Variants in C16orf78 observed in about 807,000 individuals in gnomAD.
C16orf78 encodes uncharacterized protein C16orf78.
A neutral mutation model predicts 27.3 loss-of-function variants in C16orf78; 19 were observed. The ratio of observed to expected loss-of-function variants is 0.70; its 90% CI spans 0.49 to 1.02. The LOEUF (loss-of-function observed/expected upper bound fraction) is 1.02, where lower values mean the gene tolerates loss of function less well. Ranked by LOEUF, C16orf78 falls within the 50% of genes least tolerant of loss-of-function variation. The pLI is 0.00. For missense variants in C16orf78, 339 were observed against 337.0 expected, an observed-to-expected ratio of 1.01 and a Z score of -0.05; for synonymous variants, 130 against 116.1, an observed-to-expected ratio of 1.12 and a Z score of -0.77.
At chr16:49,376,642 C>T (rs1320555035) in intron 1 of C16orf78, among the ~76,000 whole-genome samples, 1 of 152,198 alleles carries the variant, frequency 6.6e-6, no homozygotes, top group East Asian at 1.9e-4. Context: ...CTTCCATACT[C>T]CCAAATGGCT....
chr16:49,378,517 C>T lies in C16orf78; in HGVS notation c.318C>T (p.Leu106=). ...FRKDAASYRS[L]YGVEQKGKHL... is the part of the protein sequence containing the mutation. ...AGGACGCCGCCTCCTACCGAAGCCTCTATGGAGTGGAGCAAAAGGGGAAAC... is the reference window on the plus strand; with the variant it reads ...AGGACGCCGCCTCCTACCGAAGCCTTTATGGAGTGGAGCAAAAGGGGAAAC... Residue 106 remains leucine (L), a synonymous_variant, in exon 3 of 5, where the codon CTC becomes CTT. Transcript: ENST00000299191. 1.2e-6 allele frequency: 2 copies of T among 1,610,868 alleles called. No homozygotes were observed. Among genetic ancestry groups the T allele is most frequent in the Non-Finnish European group, 1.7e-6 (2 of 1,178,540 alleles).
chr16:49,396,039 T>C (rs1234406971), intron 3 of C16orf78, among the ~76,000 whole-genome samples: 1 of 152,032 alleles, frequency 6.6e-6, no homozygotes, highest in African/African-American at 2.4e-5. Context: ...GCCCAGGAGT[T>C]CAAGACCAGC....
At chr16:49,381,799 C>T (rs1399191245) in intron 3 of C16orf78, among the ~76,000 whole-genome samples, 5 of 152,002 alleles carry the variant, frequency 3.3e-5, no homozygotes, top group Non-Finnish European at 5.9e-5. Context: ...AATAGGAACA[C>T]TTTTACACTG....
At position 49,399,309 on chromosome 16, in the gene C16orf78, CTTCT is replaced by C. The variant is rs778628359; in HGVS notation, c.*32_*35del. 101 of 1,611,732 alleles carry C rather than the reference CTTCT, an allele frequency of 6.3e-5. 3 individuals are homozygous for C. In the South Asian group the frequency reaches 1.1e-3, roughly 17 times the overall value. On this transcript the variant is annotated 3_prime_UTR_variant, in exon 5 of 5. Transcript: ENST00000299191. ...TCCTCTCGCCACCACCTTCAGGCTCCTTCTGTCATGGGACCCTTCACCTCCAGAT... is the reference window on the plus strand; with the variant it reads ...TCCTCTCGCCACCACCTTCAGGCTCCGTCATGGGACCCTTCACCTCCAGAT...
At chr16:49,395,466 T>C (rs1965459947) in intron 3 of C16orf78, among the ~76,000 whole-genome samples, 1 of 152,154 alleles carries the variant, frequency 6.6e-6, no homozygotes, top group African/African-American at 2.4e-5. Context: ...TTTGCGATTT[T>C]TTTTTTCTCA....
At chr16:49,386,244 A>G (rs1965349559) in intron 3 of C16orf78, among the ~76,000 whole-genome samples, 2 of 152,232 alleles carry the variant, frequency 1.3e-5, no homozygotes, top group South Asian at 4.1e-4. Context: ...AAACAGCAAT[A>G]CAATAATAGT....
chr16:49,399,096 C>G, intron 4 of C16orf78, 35 bp from the exon 5 acceptor site: 1 of 1,608,202 alleles, frequency 6.2e-7, no homozygotes. Context: ...TGTGACTCCA[C>G]CTTCAACTGA....
Position 49,376,825 on chromosome 16 carries a change from A to T in C16orf78, c.151-906A>T, listed in dbSNP as rs559005789. Among the ~76,000 whole-genome samples the T allele has an allele frequency of 2.6e-5, 4 of 152,208 alleles. No individual in the cohort carries two copies. In the East Asian group the frequency reaches 7.7e-4, roughly 29 times the overall value. ...GAAACTAAGCCACAGAGAGAGCAGA[A>T]ACTTGCCGAGGTCACTCAGCCCTCA... is the stretch of plus-strand genomic sequence containing the variant. On this transcript the variant is annotated intron_variant, in intron 1 of 4. Transcript: ENST00000299191.
At chr16:49,386,461 A>G (rs1965352710) in intron 3 of C16orf78, among the ~76,000 whole-genome samples, 1 of 152,198 alleles carries the variant, frequency 6.6e-6, no homozygotes, top group Non-Finnish European at 1.5e-5. Flanking sequence ...TTTTTTTTTA[A>G]GTGCAGTGGT....
intron 1 of C16orf78, among the ~76,000 whole-genome samples, 197 bp from the exon 2 acceptor site, chr16:49,377,534 C>T (rs544521411): frequency 5.4e-4 from 82 of 152,146 alleles, no homozygotes; most frequent in African/African-American, 1.9e-3. Flanking sequence ...CTCAGAAAGT[C>T]GCTCTGGGGG....
chr16:49,378,693 C>A, intron 3 of C16orf78, 100 bp downstream of exon 3: 1 of 1,517,776 alleles, frequency 6.6e-7, no homozygotes, highest in South Asian at 1.2e-5. Flanking sequence ...GCAGTAGCGT[C>A]CACGTCAATC....
Position 49,375,586 on chromosome 16 carries a change from A to G in C16orf78, c.150+1497A>G, listed in dbSNP as rs534336837. On this transcript the variant is annotated intron_variant, in intron 1 of 4. Transcript: ENST00000299191. ...TGTTAAACCATGAGAAAGTGCCCCT[A>G]TGATCTAATCACCTCCCACCAGGCC... 5.3e-5 allele frequency among the ~76,000 whole-genome samples: 8 copies of G among 152,292 alleles called. No homozygotes were observed. In the South Asian group the frequency reaches 1.7e-3, roughly 32 times the overall value.
chr16:49,397,034 G>A (rs1965484214), intron 4 of C16orf78, among the ~76,000 whole-genome samples: 1 of 152,242 alleles, frequency 6.6e-6, no homozygotes, highest in Non-Finnish European at 1.5e-5. Flanking sequence ...CCTTTGCACT[G>A]TGGGGTTGAG....
chr16:49,384,019 A>G (rs142441782), intron 3 of C16orf78, among the ~76,000 whole-genome samples: 9 of 152,318 alleles, frequency 5.9e-5, no homozygotes, highest in African/African-American at 1.9e-4. Flanking sequence ...TATTTGGACA[A>G]AATGAATTCA....
intron 4 of C16orf78, among the ~76,000 whole-genome samples, chr16:49,397,596 A>G (rs1302737309): frequency 6.6e-6 from 1 of 152,164 alleles, no homozygotes; most frequent in Non-Finnish European, 1.5e-5. Flanking sequence ...CAGATGGGCC[A>G]TGTGGTTCTA....
At position 49,378,534 on chromosome 16, in the gene C16orf78, A is replaced by G. The variant is rs762276523; in HGVS notation, c.335A>G (p.Lys112Arg). The change falls in exon 3 of 5, where the codon AAG (lysine) becomes AGG (arginine). Residue 112 changes from lysine (K) to arginine (R), a missense_variant. Lys to Arg is a conservative substitution (Grantham distance 26). Transcript: ENST00000299191. ...CGAAGCCTCTATGGAGTGGAGCAAA[A>G]GGGGAAACACCTCAGCATGGTCCCT... ...SYRSLYGVEQKGKHLSMVPGS... is the reference protein window; with the variant it reads ...SYRSLYGVEQRGKHLSMVPGS... 1 of 1,612,992 alleles carries G rather than the reference A, an allele frequency of 6.2e-7. No homozygotes were observed. The highest frequency in any genetic ancestry group is 1.3e-5 in the African/African-American group (1 of 74,916).
chr16:49,377,624 T>C (rs1184205943), intron 1 of C16orf78, 107 bp from the exon 2 acceptor site: 1 of 1,383,108 alleles, frequency 7.2e-7, no homozygotes, highest in East Asian at 2.5e-5. Context: ...CTGAAGCCTG[T>C]GGAGGGGAGG....
chr16:49,386,117 C>A (rs764169108), intron 3 of C16orf78, among the ~76,000 whole-genome samples: 1 of 152,046 alleles, frequency 6.6e-6, no homozygotes, highest in Non-Finnish European at 1.5e-5. Context: ...AAAAAAGAAG[C>A]TTGTCATATA....
At chr16:49,376,932 A>T (rs555008722) in intron 1 of C16orf78, among the ~76,000 whole-genome samples, 1 of 152,078 alleles carries the variant, frequency 6.6e-6, no homozygotes, top group East Asian at 1.9e-4. Flanking sequence ...CATAAGCAGC[A>T]TATTCCCAGA....
Sources: gnomAD v4.1 joint callset for allele counts (sites outside exome capture counted in the v4.1 genomes callset) on GRCh38, gnomAD v4.1.1 for gene constraint, MANE v1.5 for transcripts, NCBI Gene and HGNC (gene_info 2026-07-23, HGNC 2026-07-21) for gene names.